The following GLI2 variants were observed in gnomAD, a reference collection of about 807,000 sequenced individuals.
GLI2 encodes the protein GLI family zinc finger 2.
Under a neutral mutation model 78.9 loss-of-function variants are expected in GLI2, and 22 were observed. That is an observed-to-expected ratio of 0.28 (90% CI 0.20 to 0.40). The LOEUF (loss-of-function observed/expected upper bound fraction) is 0.40, where lower values mean the gene tolerates loss of function less well. GLI2 is among the 10% of genes least tolerant of loss of function. The pLI is 1.00. For synonymous variants in GLI2, 974 were observed against 963.7 expected, an observed-to-expected ratio of 1.01 and a Z score of -0.20; for missense variants, 2,097 against 2,213.2, an observed-to-expected ratio of 0.95 and a Z score of 1.05.
chr2:120,803,388 A>T (rs1287151507), intron 2 of GLI2, among the ~76,000 whole-genome samples: 1 of 152,220 alleles, frequency 6.6e-6, no homozygotes, highest in Non-Finnish European at 1.5e-5. Context: ...GTGAGGTCCA[A>T]GTTGAGTATT....
chr2:120,834,753 C>G (rs1686524882), intron 2 of GLI2, among the ~76,000 whole-genome samples: 1 of 152,106 alleles, frequency 6.6e-6, no homozygotes, highest in African/African-American at 2.4e-5. Flanking sequence ...GCCTGTGTCC[C>G]CCTGCAGTGA....
At chr2:120,832,061 C>T (rs1242123577) in intron 2 of GLI2, among the ~76,000 whole-genome samples, 1 of 152,210 alleles carries the variant, frequency 6.6e-6, no homozygotes, top group Non-Finnish European at 1.5e-5. Context: ...CAGCATGGTA[C>T]TTGCTTGGTG....
intron 2 of GLI2, among the ~76,000 whole-genome samples, chr2:120,907,276 G>A (rs1049117618): frequency 6.6e-6 from 1 of 152,120 alleles, no homozygotes; most frequent in African/African-American, 2.4e-5. Flanking sequence ...TGCCCTGGGT[G>A]GTCCTTGAGA....
chr2:120,926,141 A>G (rs1679660828), intron 2 of GLI2, among the ~76,000 whole-genome samples: 1 of 152,128 alleles, frequency 6.6e-6, no homozygotes, highest in Non-Finnish European at 1.5e-5. Context: ...TGCAAGAAAA[A>G]AAAAAAGAAT....
chr2:120,839,794 C>T (rs925794824), intron 2 of GLI2, among the ~76,000 whole-genome samples: 2 of 152,096 alleles, frequency 1.3e-5, no homozygotes, highest in Non-Finnish European at 2.9e-5. Flanking sequence ...AACTCTGGAC[C>T]TCAAGTAATC....
chr2:120,923,497 C>T (rs534104410), intron 2 of GLI2, among the ~76,000 whole-genome samples: 66 of 152,098 alleles, frequency 4.3e-4, no homozygotes, highest in Admixed American at 2.1e-3. Context: ...CACGTATACG[C>T]AGTAACACAC....
At chr2:120,938,773 G>A (rs1680311596) in intron 3 of GLI2, among the ~76,000 whole-genome samples, 1 of 152,156 alleles carries the variant, frequency 6.6e-6, no homozygotes, top group African/African-American at 2.4e-5. Context: ...GGCCCATGGA[G>A]TGATCATGTA....
chr2:120,787,203 C>G (rs945408208), intron 1 of GLI2, among the ~76,000 whole-genome samples: 2 of 152,144 alleles, frequency 1.3e-5, no homozygotes, highest in Non-Finnish European at 2.9e-5. Flanking sequence ...GGCAGAGGAA[C>G]CGCGTGATCA....
intron 1 of GLI2, among the ~76,000 whole-genome samples, chr2:120,758,500 G>A (rs537123279): frequency 3.5e-4 from 54 of 152,344 alleles, no homozygotes; most frequent in Middle Eastern, 6.8e-3. Context: ...TTGTGAGGGA[G>A]TGCTGGGGCC....
At chr2:120,815,182 A>G (rs1685435214) in intron 2 of GLI2, among the ~76,000 whole-genome samples, 1 of 152,182 alleles carries the variant, frequency 6.6e-6, no homozygotes, top group Non-Finnish European at 1.5e-5. Flanking sequence ...GACCGCTGTA[A>G]AGATAAGTAA....
chr2:120,960,353 A>G lies in GLI2; in HGVS notation c.643+4923A>G, dbSNP rs75712514. ...GAGGTTTTGAATGTCCAGCCAAGGC[A>G]TGGAGAGGGCTCTGCCAGGCAAGAG... On this transcript the variant is annotated intron_variant, in intron 5 of 13. Coordinates refer to ENST00000361492, the MANE Select transcript of GLI2 (RefSeq NM_001374353.1). 8.7e-3 allele frequency among the ~76,000 whole-genome samples: 1,305 copies of G among 150,800 alleles called. 17 individuals carry two copies. The highest frequency in any genetic ancestry group is 0.028 in the African/African-American group (1,166 of 41,342).
At chr2:120,753,361 G>C (rs553190950) in intron 1 of GLI2, among the ~76,000 whole-genome samples, 14 of 152,308 alleles carry the variant, frequency 9.2e-5, no homozygotes, top group African/African-American at 3.4e-4. Flanking sequence ...CTCTGAAAGT[G>C]CTGGGATTAC....
chr2:120,986,508 C>G lies in GLI2; in HGVS notation c.2136C>G (p.Phe712Leu), dbSNP rs151179617. Residue 712 changes from phenylalanine (F) to leucine (L), a missense_variant, in exon 13 of 14, where the codon TTC becomes TTG. Physicochemically the swap from Phe to Leu is conservative, Grantham distance 22 (BLOSUM62 0). Around this residue, in one of 5 missense-constraint regions of GLI2, gnomAD observed 1,290 missense variants for 1,261.7 expected, o/e 1.02. Coordinates refer to ENST00000361492, the MANE Select transcript of GLI2 (RefSeq NM_001374353.1). ...AACACATGACCACCATGCACCGGTT[C>G]GAGCAGCTCAAGAAGGAGAAGCTCA... ...LRKHMTTMHR[F>L]EQLKKEKLKS... The G allele has an allele frequency of 1.2e-6, 2 of 1,613,990 alleles. No homozygotes were observed. The highest frequency in any genetic ancestry group is 1.7e-5 in the Admixed American group (1 of 60,010).
Position 120,990,894 on chromosome 2 carries a change from A to G in GLI2, c.*219A>G, listed in dbSNP as rs1474196238. Reference sequence around the variant, plus strand: ...TCAGAACAATGAAAAAAGTCTCCATAGGACAGGAAGGAATGCAAAACTCAT... The same window carrying G: ...TCAGAACAATGAAAAAAGTCTCCATGGGACAGGAAGGAATGCAAAACTCAT... On this transcript the variant is annotated 3_prime_UTR_variant, in exon 14 of 14. Coordinates refer to ENST00000361492, the MANE Select transcript of GLI2 (RefSeq NM_001374353.1). 3.5e-6 allele frequency: 2 copies of G among 574,532 alleles called. No homozygotes were observed. The highest frequency in any genetic ancestry group is 2.3e-5 in the South Asian group (1 of 44,086). 35.6% of individuals were successfully genotyped at this position (574,532 alleles called of 1,614,324 possible).
chr2:120,741,032 G>T (rs1467812690), intron 1 of GLI2, among the ~76,000 whole-genome samples: 1 of 152,228 alleles, frequency 6.6e-6, no homozygotes, highest in East Asian at 1.9e-4. Context: ...CCACGCCGCA[G>T]CCCTTACCCG....
chr2:120,793,868 T>C (rs1053340095), intron 1 of GLI2, among the ~76,000 whole-genome samples: 7 of 152,228 alleles, frequency 4.6e-5, no homozygotes, highest in Non-Finnish European at 8.8e-5. Context: ...ACTGTAGGCC[T>C]GGCCCCGTGC....
chr2:120,917,212 G>A (rs1679145295), intron 2 of GLI2, among the ~76,000 whole-genome samples: 1 of 152,228 alleles, frequency 6.6e-6, no homozygotes, highest in African/African-American at 2.4e-5. Context: ...ATTTCATAAG[G>A]TGTCTTCACA....
chr2:120,952,745 C>T (rs966405743), intron 4 of GLI2, among the ~76,000 whole-genome samples: 43 of 152,210 alleles, frequency 2.8e-4, no homozygotes, highest in Non-Finnish European at 2.2e-4. Context: ...GCTGGGGTGC[C>T]CTGAGGCCTG....
At chr2:120,975,213 G>A (rs992164061) in intron 9 of GLI2, 104 bp downstream of exon 9, 1 of 1,062,766 alleles carries the variant, frequency 9.4e-7, no homozygotes, top group African/African-American at 1.6e-5. Context: ...GCTGGAGGAA[G>A]AGACCCCCAG....
Sources: gnomAD v4.1 joint callset for allele counts (sites outside exome capture counted in the v4.1 genomes callset) on GRCh38, gnomAD v4.1.1 for gene constraint, gnomAD v4.1.1 regional missense constraint, MANE v1.5 for transcripts, NCBI Gene and HGNC (gene_info 2026-07-23, HGNC 2026-07-21) for gene names.